GPC6: variants seen among roughly 807,000 people sequenced by gnomAD.
GPC6 encodes glypican-6.
In GPC6, 14 loss-of-function variants were observed where a neutral mutation model predicts 55.2. The ratio of observed to expected loss-of-function variants is 0.25; its 90% confidence interval spans 0.17 to 0.40. GPC6 has a LOEUF of 0.40. Among genes scored for constraint, GPC6 ranks in the 10% least tolerant of loss-of-function variants. The pLI is 1.00. For missense variants in GPC6, 641 were observed against 708.5 expected, an observed-to-expected ratio of 0.90 and a Z score of 1.08; for synonymous variants, 278 against 259.6, an observed-to-expected ratio of 1.07 and a Z score of -0.68.
intron 4 of GPC6, among the ~76,000 whole-genome samples, chr13:94,177,446 A>G (rs373761432): frequency 5.3e-5 from 8 of 152,274 alleles, no homozygotes; most frequent in East Asian, 1.9e-4. Flanking sequence ...TTTCACAATG[A>G]GCCCTTTAAC....
chr13:93,339,793 G>T (rs371034961), intron 1 of GPC6, among the ~76,000 whole-genome samples: 8 of 152,088 alleles, frequency 5.3e-5, no homozygotes, highest in African/African-American at 1.7e-4. Context: ...TGAAATACAG[G>T]CTTACATCAA....
chr13:93,223,813 A>G (rs1393556465), upstream of GPC6, among the ~76,000 whole-genome samples: 1 of 151,600 alleles, frequency 6.6e-6, no homozygotes, highest in African/African-American at 2.4e-5. Context: ...ACTCCTGCCA[A>G]TCCTTTCCTC....
intron 1 of GPC6, among the ~76,000 whole-genome samples, chr13:93,479,941 A>C (rs180747247): frequency 3.3e-5 from 5 of 152,360 alleles, no homozygotes; most frequent in Admixed American, 2.0e-4. Flanking sequence ...TAAATGAGAC[A>C]TGCATATAGA....
intron 2 of GPC6, among the ~76,000 whole-genome samples, chr13:93,623,604 AC>A (rs1336195593): frequency 6.6e-6 from 1 of 151,038 alleles, no homozygotes; most frequent in African/African-American, 2.4e-5. Context: ...AATTACAGGC[AC>A]CCGCCACCAC....
chr13:93,736,699 A>G (rs1432994697), intron 2 of GPC6, among the ~76,000 whole-genome samples: 1 of 152,238 alleles, frequency 6.6e-6, no homozygotes, highest in Non-Finnish European at 1.5e-5. Flanking sequence ...TGATGTATTT[A>G]CCAGTTGAAG....
At chr13:94,152,027 G>A (rs978163206) in intron 4 of GPC6, among the ~76,000 whole-genome samples, 1 of 151,920 alleles carries the variant, frequency 6.6e-6, no homozygotes, top group African/African-American at 2.4e-5. Flanking sequence ...CCATACTAGA[G>A]CAATCTACAG....
At chr13:94,256,234 G>A (rs1891501181) in intron 4 of GPC6, among the ~76,000 whole-genome samples, 1 of 152,162 alleles carries the variant, frequency 6.6e-6, no homozygotes, top group Non-Finnish European at 1.5e-5. Flanking sequence ...CCATGTCAGG[G>A]AATATTTAGT....
chr13:94,026,514 A>G (rs1387157361), intron 3 of GPC6, among the ~76,000 whole-genome samples: 1 of 151,898 alleles, frequency 6.6e-6, no homozygotes, highest in African/African-American at 2.4e-5. Context: ...TAGTTACTTG[A>G]CTAAAATATC....
At chr13:94,081,306 T>A (rs191294468) in intron 4 of GPC6, among the ~76,000 whole-genome samples, 171 of 152,288 alleles carry the variant, frequency 1.1e-3, no homozygotes, top group Middle Eastern at 0.01. Context: ...TTGTCAATGA[T>A]CCTAAACTAT....
intron 4 of GPC6, among the ~76,000 whole-genome samples, chr13:94,205,121 G>A (rs116008248): frequency 0.015 from 2,290 of 152,260 alleles, 46 homozygotes; most frequent in African/African-American, 0.047. Flanking sequence ...TCTGTTGCCT[G>A]TAAAAATATG....
At chr13:93,723,159 C>A (rs1883508427) in intron 2 of GPC6, among the ~76,000 whole-genome samples, 1 of 151,728 alleles carries the variant, frequency 6.6e-6, no homozygotes, top group Admixed American at 6.6e-5. Flanking sequence ...TTTTAAAATC[C>A]CCTTGCCTCT....
intron 4 of GPC6, among the ~76,000 whole-genome samples, chr13:94,124,474 G>A (rs925737447): frequency 1.3e-5 from 2 of 151,998 alleles, no homozygotes; most frequent in Admixed American, 1.3e-4. Flanking sequence ...GAGTCCATGT[G>A]GACAAATCAG....
At chr13:93,731,522 A>T (rs190270093) in intron 2 of GPC6, among the ~76,000 whole-genome samples, 11 of 152,310 alleles carry the variant, frequency 7.2e-5, no homozygotes, top group African/African-American at 2.6e-4. Flanking sequence ...TAATTACAGG[A>T]CTTTGCAAAC....
At chr13:94,093,476 G>A (rs1428167110) in intron 4 of GPC6, among the ~76,000 whole-genome samples, 1 of 151,930 alleles carries the variant, frequency 6.6e-6, no homozygotes, top group African/African-American at 2.4e-5. Context: ...CTATTTTTGT[G>A]GTAGTGCCAT....
At chr13:93,430,393 T>C (rs1208309145) in intron 1 of GPC6, among the ~76,000 whole-genome samples, 1 of 152,136 alleles carries the variant, frequency 6.6e-6, no homozygotes, top group East Asian at 1.9e-4. Context: ...AGGAAATTAC[T>C]TACATGGGTT....
intron 3 of GPC6, among the ~76,000 whole-genome samples, chr13:93,987,731 C>T (rs1881095722): frequency 6.6e-6 from 1 of 152,064 alleles, no homozygotes; most frequent in Non-Finnish European, 1.5e-5. Flanking sequence ...TTTACTCTTC[C>T]TAATCATCTG....
chr13:94,095,760 G>T (rs1289660912), intron 4 of GPC6, among the ~76,000 whole-genome samples: 1 of 152,102 alleles, frequency 6.6e-6, no homozygotes. Context: ...GAGAAATTGG[G>T]CAGGGAGAGA....
intron 3 of GPC6, among the ~76,000 whole-genome samples, chr13:93,951,816 A>G (rs1202990906): frequency 6.6e-6 from 1 of 152,186 alleles, no homozygotes; most frequent in East Asian, 1.9e-4. Flanking sequence ...AACTTTCACC[A>G]GAGAAATAAC....
intron 1 of GPC6, among the ~76,000 whole-genome samples, chr13:93,260,820 A>G (rs1877120111): frequency 6.6e-6 from 1 of 152,140 alleles, no homozygotes; most frequent in Non-Finnish European, 1.5e-5. Flanking sequence ...AGGGGCATCA[A>G]AAAGCATTTG....
Sources: gnomAD v4.1 joint callset for allele counts (sites outside exome capture counted in the v4.1 genomes callset) on GRCh38, gnomAD v4.1.1 for gene constraint, MANE v1.5 for transcripts, NCBI Gene and HGNC (gene_info 2026-07-23, HGNC 2026-07-21) for gene names.